The following PCNX2 variants were observed in gnomAD, a reference collection of about 807,000 sequenced individuals.
PCNX2 encodes the protein pecanex-like protein 2.
A neutral mutation model predicts 223.8 loss-of-function variants in PCNX2; 168 were observed. The ratio of observed to expected loss-of-function variants is 0.75; its 90% CI spans 0.66 to 0.85. The LOEUF is 0.85. Ranked by LOEUF, PCNX2 falls within the 40% of genes least tolerant of loss-of-function variation. PCNX2 has a pLI of 0.00. For missense variants in PCNX2, 2,507 were observed against 2,675.5 expected (o/e 0.94, Z 1.39); for synonymous variants, 1,006 against 1,052.6 (o/e 0.96, Z 0.86).
At chr1:233,012,254 C>A (rs1024446800) in intron 28 of PCNX2, among the ~76,000 whole-genome samples, 4 of 151,948 alleles carry the variant, frequency 2.6e-5, no homozygotes, top group African/African-American at 7.3e-5. Flanking sequence ...ATTTATGGCA[C>A]CCTAGCAGAT....
In PCNX2 at chr1:233,001,584, G is replaced by T; in HGVS notation, c.5050C>A (p.His1684Asn). Reference protein sequence around the residue: ...EWVFADMDLLHKVVAPAIRMS... With the variant: ...EWVFADMDLLNKVVAPAIRMS... ...CTGATAGCTGGAGCTACAACTTTAT[G>T]CAGTAGGTCCATGTCAGCAAATACC... Residue 1684 changes from histidine to asparagine, a missense_variant, in exon 29 of 34, where the codon CAT (histidine) becomes AAT (asparagine). Physicochemically the swap from His to Asn is moderately conservative, Grantham distance 68 (BLOSUM62 1). This residue lies in a region of PCNX2 where 1,372 missense variants were observed against 1,509.4 expected (regional missense o/e 0.91). Coordinates refer to ENST00000258229, the MANE Select transcript of PCNX2 (RefSeq NM_014801.4). The surrounding 1 kb of genome is among the most constrained non-coding windows in gnomAD (Gnocchi z 4.2). The T allele has an allele frequency of 6.5e-7, 1 of 1,543,144 alleles. No individual in the cohort carries two copies. Among genetic ancestry groups the T allele is most frequent in the Non-Finnish European group, 8.8e-7 (1 of 1,139,414 alleles).
rs1678388413 is a variant in PCNX2 at position 233,160,270 on chromosome 1, A to C, written c.3517+13T>G. ...CCTTTTTTTTTTTTTTAAATGAGGG[A>C]TATATTACTAACCTCTCACTTCCCG... is the stretch of plus-strand genomic sequence containing the variant. On this transcript the variant is annotated intron_variant, in intron 19 of 33. Transcript: ENST00000258229. The C allele has an allele frequency of 6.3e-7, 1 of 1,586,688 alleles. No individual in the cohort carries two copies. Among genetic ancestry groups the C allele is most frequent in the Admixed American group, 1.8e-5 (1 of 56,776 alleles).
intron 26 of PCNX2, among the ~76,000 whole-genome samples, chr1:233,021,333 C>G (rs1457501654): frequency 6.6e-6 from 1 of 152,186 alleles, no homozygotes; most frequent in African/African-American, 2.4e-5. Context: ...TTCTGTGGGG[C>G]ACAATTACGT....
At chr1:233,195,495 C>A (rs1680675392) in intron 15 of PCNX2, among the ~76,000 whole-genome samples, 1 of 152,064 alleles carries the variant, frequency 6.6e-6, no homozygotes, top group Middle Eastern at 3.2e-3. Context: ...GGCATACAGG[C>A]TGGAAAGGAA....
rs923801547 is a variant in PCNX2 at position 232,991,467 on chromosome 1, C to T, written c.5792-4927G>A. 5.3e-5 allele frequency among the ~76,000 whole-genome samples: 8 copies of T among 151,964 alleles called. No individual in the cohort carries two copies. Among genetic ancestry groups the T allele is most frequent in the South Asian group, 2.1e-4 (1 of 4,814 alleles). On this transcript the variant is annotated intron_variant, in intron 32 of 33. Transcript: ENST00000258229. The surrounding 1 kb of genome is among the most constrained non-coding windows in gnomAD (Gnocchi z 4.3). The stretch of plus-strand genomic sequence containing the variant: ...GCTCATGGGATGCGCGTGGGTGTTC[C>T]GGGCTGAATCATGTTCCCTCCCCAG...
In PCNX2 at chr1:233,288,947, T is replaced by C. The variant is rs1661600461; in HGVS notation, c.153+6379A>G. The C allele has an allele frequency of 2.7e-6, 4 of 1,506,270 alleles. No homozygotes were observed. In the South Asian group the frequency reaches 4.5e-5, roughly 17 times the overall value. 93.3% of individuals were successfully genotyped at this position (1,506,270 alleles called of 1,614,324 possible). On this transcript the variant is annotated intron_variant, in intron 1 of 33. Transcript: ENST00000258229. Reference sequence around the variant, plus strand: ...CACCAGAAAAAGTTTCAACCTTGTGTTCCACATTGTTCTGCTGTGCTTTGT... The same window carrying C: ...CACCAGAAAAAGTTTCAACCTTGTGCTCCACATTGTTCTGCTGTGCTTTGT...
intron 25 of PCNX2, 33 bp from the exon 26 acceptor site, chr1:233,025,432 G>C: frequency 6.2e-7 from 1 of 1,608,380 alleles, no homozygotes. Flanking sequence ...GAAGTTTGAA[G>C]AGAAGGCATG....
At chr1:233,117,532 C>G (rs774337908) in intron 21 of PCNX2, among the ~76,000 whole-genome samples, 1 of 145,240 alleles carries the variant, frequency 6.9e-6, no homozygotes, top group African/African-American at 2.6e-5. Flanking sequence ...ACCCGGGAGG[C>G]GGAGCTTGCA....
Position 233,179,123 on chromosome 1 carries a change from A to G in PCNX2, c.3119T>C (p.Leu1040Pro). 6.2e-7 allele frequency: 1 copy of G among 1,613,946 alleles called. No individual in the cohort carries two copies. The highest frequency in any genetic ancestry group is 8.5e-7 in the Non-Finnish European group (1 of 1,179,844). The change falls in exon 16 of 34, where the codon CTC (leucine) becomes CCC (proline). Residue 1040 changes from leucine to proline, a missense_variant. By Grantham distance (98) the Leu-to-Pro change is moderately conservative (BLOSUM62 -3). Around this residue, in one of 3 missense-constraint regions of PCNX2, gnomAD observed 1,372 missense variants for 1,509.4 expected, o/e 0.91. Coordinates refer to ENST00000258229, the MANE Select transcript of PCNX2 (RefSeq NM_014801.4). ...CAGATGGTAAGAAAGGGCGACCAAGAGGCCACAGAAGGCCGAAAACAGTGC... is the reference window on the plus strand; with the variant it reads ...CAGATGGTAAGAAAGGGCGACCAAGGGGCCACAGAAGGCCGAAAACAGTGC... ...IPALFSAFCG[L>P]LVALSYHLSR... is the part of the protein sequence containing the mutation.
Position 233,017,050 on chromosome 1 carries a change from C to T in PCNX2, c.4710G>A (p.Glu1570=). 6.2e-7 allele frequency: 1 copy of T among 1,604,118 alleles called. No individual in the cohort carries two copies. The highest frequency in any genetic ancestry group is 8.5e-7 in the Non-Finnish European group (1 of 1,176,714). ...LQPFAKWHYI[E]RDLAMFNINI... ...TAATGTTGAACATTGCAAGGTCACG[C>T]TCAATGTAATGCCACTTGGCAAAGG... The change falls in exon 27 of 34, where the codon GAG becomes GAA. Residue 1570 remains glutamate (E), a synonymous_variant. Coordinates refer to ENST00000258229, the MANE Select transcript of PCNX2 (RefSeq NM_014801.4).
At position 233,214,368 on chromosome 1, in the gene PCNX2, G is replaced by A. The variant is rs1681999086; in HGVS notation, c.2691+3531C>T. ...CCCAAGCTCTCACAGCTTACACATG[G>A]TAAGGCTGCATTCAGATATGAACCC... On this transcript the variant is annotated intron_variant, in intron 12 of 33. Transcript: ENST00000258229. 2.6e-5 allele frequency among the ~76,000 whole-genome samples: 4 copies of A among 152,132 alleles called. No homozygotes were observed. The South Asian group carries it at 8.3e-4, about 32-fold the overall frequency.
At chr1:233,068,408 A>C (rs1672710449) in intron 23 of PCNX2, among the ~76,000 whole-genome samples, 3 of 152,192 alleles carry the variant, frequency 2.0e-5, no homozygotes, top group African/African-American at 7.2e-5. Context: ...AACTTAAAAC[A>C]TCAGGAAGGA....
chr1:233,074,153 C>T (rs185406951), intron 23 of PCNX2, among the ~76,000 whole-genome samples: 20 of 152,112 alleles, frequency 1.3e-4, no homozygotes, highest in African/African-American at 4.6e-4. Flanking sequence ...TCTATTGTGG[C>T]CGGAGAACAT....
At chr1:233,228,258 G>A (rs541682645) in intron 9 of PCNX2, among the ~76,000 whole-genome samples, 4 of 152,216 alleles carry the variant, frequency 2.6e-5, no homozygotes, top group South Asian at 2.1e-4. Context: ...TTGTTTGACC[G>A]TTTGCTTGTC....
chr1:233,163,311 A>T (rs1323817643), intron 17 of PCNX2, among the ~76,000 whole-genome samples: 2 of 149,192 alleles, frequency 1.3e-5, no homozygotes, highest in Non-Finnish European at 3.0e-5. Context: ...ACATGATGAA[A>T]CCTCTGTCTC....
intron 23 of PCNX2, chr1:233,058,553 T>C (rs905220953): frequency 8.5e-5 from 13 of 152,178 alleles, no homozygotes; most frequent in African/African-American, 2.9e-4. Flanking sequence ...TATATCAGCA[T>C]CACACATAGG....
chr1:233,047,156 C>T (rs1671850708), intron 25 of PCNX2, among the ~76,000 whole-genome samples: 1 of 152,148 alleles, frequency 6.6e-6, no homozygotes. Context: ...CTCAAGTGGC[C>T]CAGGTGACAG....
chr1:233,191,101 CT>C (rs1202475175), intron 15 of PCNX2, among the ~76,000 whole-genome samples: 2 of 152,146 alleles, frequency 1.3e-5, no homozygotes, highest in Non-Finnish European at 2.9e-5. Flanking sequence ...TTCTAAAACC[CT>C]TTAAGAATTT....
chr1:233,279,164 C>G (rs1479063644), intron 1 of PCNX2, among the ~76,000 whole-genome samples: 1 of 152,024 alleles, frequency 6.6e-6, no homozygotes, highest in Non-Finnish European at 1.5e-5. Flanking sequence ...CAGTAGAGCT[C>G]AAAAATAAAT....
Sources: allele counts gnomAD v4.1 joint callset (sites outside exome capture counted in the v4.1 genomes callset), GRCh38; gene constraint gnomAD v4.1.1; regional missense constraint gnomAD v4.1.1; non-coding constraint Gnocchi (gnomAD v3.1); transcripts MANE v1.5; gene names NCBI Gene and HGNC (gene_info 2026-07-23, HGNC 2026-07-21).